The following INKA2 variants were observed in gnomAD, a reference collection of about 807,000 sequenced individuals.
The protein encoded by INKA2 is inka box actin regulator 2.
Under a neutral mutation model 9.8 loss-of-function variants are expected in INKA2, and 3 were observed. That is an observed-to-expected ratio of 0.31 (90% CI 0.14 to 0.79). The LOEUF (loss-of-function observed/expected upper bound fraction) is 0.79, where lower values mean the gene tolerates loss of function less well. Among genes scored for constraint, INKA2 ranks in the 30% least tolerant of loss-of-function variants. The probability of loss-of-function intolerance (pLI) is 0.62; values close to 1 mark genes in which losing one functional copy is unlikely to be tolerated. For synonymous variants in INKA2, 147 were observed against 143.3 expected (o/e 1.03, Z -0.18); for missense variants, 392 against 384.4 (o/e 1.02, Z -0.17).
chr1:111,739,536 T>A (rs1029851275), upstream of INKA2: 34 of 845,744 alleles, frequency 4.0e-5, no homozygotes, highest in Non-Finnish European at 5.7e-5. Flanking sequence ...AGGCGGACCC[T>A]ACCGCAGTGT....
In INKA2 at chr1:111,723,114, G is replaced by A; in HGVS notation, c.*3854C>T. On this transcript the variant is annotated 3_prime_UTR_variant, in exon 2 of 2. Transcript: ENST00000357260. ...TGGCAGAAGTGCCTTAACTGCACCG[G>A]ATGGGGAAGGCACCTGAGGTGGGTT... 1 of 700,540 alleles carries A rather than the reference G, an allele frequency of 1.4e-6. No homozygotes were observed. Among genetic ancestry groups the A allele is most frequent in the South Asian group, 1.5e-5 (1 of 67,410 alleles). The allele number at this position is 700,540 out of a possible 1,614,324, so 43.4% of individuals were successfully genotyped here. A position where few individuals can be genotyped will look rare whatever the true frequency, so the allele number is the denominator to read the frequency against.
At chr1:111,747,602 T>C (rs757452754) in intron 1 of INKA2, 1 of 152,326 alleles carries the variant, frequency 6.6e-6, no homozygotes, top group Admixed American at 6.5e-5. Flanking sequence ...CACCCTGGGA[T>C]GTGATGTGTG....
intron 1 of INKA2, chr1:111,745,834 A>G (rs888816766): frequency 4.6e-5 from 7 of 152,190 alleles, no homozygotes; most frequent in African/African-American, 1.7e-4. Flanking sequence ...GCAAAGGCTC[A>G]TTTTATCACA....
At chr1:111,728,027 C>T (rs1364850781) in intron 1 of INKA2, among the ~76,000 whole-genome samples, 1 of 65,610 alleles carries the variant, frequency 1.5e-5, no homozygotes, top group Non-Finnish European at 2.7e-5. Flanking sequence ...TGAGAAGGCT[C>T]CCCCACCCCA....
chr1:111,747,064 C>T (rs1262418032), intron 1 of INKA2: 2 of 152,236 alleles, frequency 1.3e-5, no homozygotes, highest in Non-Finnish European at 2.9e-5. Flanking sequence ...TGCCCTAGGT[C>T]ACCCAGGTTG....
At chr1:111,733,251 A>G (rs1013268144) in intron 1 of INKA2, among the ~76,000 whole-genome samples, 1 of 152,216 alleles carries the variant, frequency 6.6e-6, no homozygotes, top group Non-Finnish European at 1.5e-5. Flanking sequence ...TACACTTGCC[A>G]TAGACAGATG....
intron 1 of INKA2, chr1:111,755,507 G>C (rs940238382): frequency 1.6e-6 from 1 of 623,776 alleles, no homozygotes; most frequent in Non-Finnish European, 2.7e-6. Flanking sequence ...CGCGAAGCGA[G>C]ACAGGCCAGC....
rs1396049532 is a variant in INKA2, at chr1:111,726,993, T to C, written c.869A>G (p.Asp290Gly). ...TCAGACCCAAACAGCTGTGTTAATA[T>C]CAAATCCTGAGGGTGAGTGCTCCAG... ...KALEHSPSGF[D>G]INTAVWV Residue 290 changes from aspartate to glycine, a missense_variant, in exon 2 of 2, where the codon GAT (aspartate) becomes GGT (glycine). Coordinates refer to ENST00000357260, the MANE Select transcript of INKA2 (RefSeq NM_019099.5). 3 of 1,613,584 alleles carry C rather than the reference T, an allele frequency of 1.9e-6. No individual in the cohort carries two copies. The highest frequency in any genetic ancestry group is 2.2e-5 in the East Asian group (1 of 44,858).
intron 1 of INKA2, among the ~76,000 whole-genome samples, chr1:111,728,427 C>T (rs1347920962): frequency 1.3e-5 from 2 of 152,224 alleles, no homozygotes; most frequent in South Asian, 2.1e-4. Flanking sequence ...AAGTAACTTA[C>T]GTAACGTCAC....
chr1:111,753,761 C>A (rs1235698040), intron 1 of INKA2: 1 of 152,080 alleles, frequency 6.6e-6, no homozygotes, highest in African/African-American at 2.4e-5. Flanking sequence ...CCTAGGATGA[C>A]AAAATTACTG....
upstream of INKA2, among the ~76,000 whole-genome samples, chr1:111,740,363 C>T (rs1663116645): frequency 6.6e-6 from 1 of 152,142 alleles, no homozygotes; most frequent in African/African-American, 2.4e-5. Context: ...GCTCGATAGG[C>T]CGATGGGCTC....
chr1:111,731,641 C>T (rs1275665111), intron 1 of INKA2, among the ~76,000 whole-genome samples: 3 of 152,304 alleles, frequency 2.0e-5, no homozygotes, highest in South Asian at 2.1e-4. Context: ...CGTAAGCTGC[C>T]GCGCCCAGCC....
upstream of INKA2, among the ~76,000 whole-genome samples, chr1:111,741,660 C>T (rs1180867867): frequency 1.3e-5 from 2 of 152,216 alleles, no homozygotes; most frequent in African/African-American, 4.8e-5. Context: ...GTCTCCAGCA[C>T]GGTAGTCAGA....
intron 1 of INKA2, among the ~76,000 whole-genome samples, chr1:111,747,986 T>C (rs1010440762): frequency 1.3e-5 from 2 of 152,210 alleles, no homozygotes; most frequent in African/African-American, 4.8e-5. Flanking sequence ...CTGGTGTTGC[T>C]AACAATATCT....
intron 1 of INKA2, among the ~76,000 whole-genome samples, chr1:111,728,902 G>C (rs1260556630): frequency 2.1e-5 from 1 of 47,018 alleles, no homozygotes; most frequent in Non-Finnish European, 4.5e-5. Context: ...GTGGAGCTAG[G>C]CTTTTTTTTT....
At chr1:111,752,498 T>G (rs1426778474) in intron 1 of INKA2, among the ~76,000 whole-genome samples, 1 of 152,224 alleles carries the variant, frequency 6.6e-6, no homozygotes, top group African/African-American at 2.4e-5. Flanking sequence ...AAAATTTTTG[T>G]TGAATGATTA....
upstream of INKA2, among the ~76,000 whole-genome samples, chr1:111,740,251 C>A (rs3754028): frequency 0.19 from 29,395 of 152,256 alleles, 2,988 homozygotes; most frequent in Admixed American, 0.22. Context: ...CTGACGCTCT[C>A]GCCTTTGGCG....
chr1:111,744,504 T>C (rs1316482268), intron 1 of INKA2: 1 of 151,990 alleles, frequency 6.6e-6, no homozygotes. Context: ...AGGTGGACTA[T>C]TGAAATGATG....
At chr1:111,734,040 C>T (rs567829316) in intron 1 of INKA2, among the ~76,000 whole-genome samples, 15 of 152,354 alleles carry the variant, frequency 9.8e-5, no homozygotes, top group Non-Finnish European at 1.8e-4. Context: ...CTGCTTTTGC[C>T]AAGTGGCCCA....
Sources: gnomAD v4.1 joint callset for allele counts (sites outside exome capture counted in the v4.1 genomes callset) on GRCh38, gnomAD v4.1.1 for gene constraint, MANE v1.5 for transcripts, NCBI Gene and HGNC (gene_info 2026-07-23, HGNC 2026-07-21) for gene names.